Variants in TIAM2 observed in about 807,000 individuals in gnomAD.
TIAM2 encodes TIAM Rac1 associated GEF 2, also known as rho guanine nucleotide exchange factor TIAM2.
Under a neutral mutation model 152.9 loss-of-function variants are expected in TIAM2, and 80 were observed. The ratio of observed to expected loss-of-function variants is 0.52; its 90% CI spans 0.44 to 0.63. The LOEUF is 0.63. TIAM2 is among the 30% of genes least tolerant of loss of function. The pLI is 0.00. For missense variants in TIAM2, 1,965 were observed against 2,120.1 expected (o/e 0.93, Z 1.44); for synonymous variants, 804 against 838.0 (o/e 0.96, Z 0.70).
intron 1 of TIAM2, among the ~76,000 whole-genome samples, chr6:155,039,833 T>A (rs1480867550): frequency 6.6e-6 from 1 of 152,196 alleles, no homozygotes; most frequent in African/African-American, 2.4e-5. Flanking sequence ...GCCTCTAAGC[T>A]TTATGCTCAG....
intron 4 of TIAM2, among the ~76,000 whole-genome samples, chr6:155,131,660 A>G (rs920690753): frequency 2.0e-5 from 3 of 151,264 alleles, no homozygotes; most frequent in African/African-American, 7.3e-5. Context: ...GCTCACTGCA[A>G]CCTCTGCCTC....
intron 2 of TIAM2, among the ~76,000 whole-genome samples, chr6:155,118,743 C>G (rs910886755): frequency 6.6e-6 from 1 of 151,766 alleles, no homozygotes; most frequent in Non-Finnish European, 1.5e-5. Context: ...CCTTCTCTTT[C>G]CTTTCTTCAT....
chr6:155,054,572 G>GTT (rs777142816), intron 1 of TIAM2, among the ~76,000 whole-genome samples: 74 of 48,728 alleles, frequency 1.5e-3, no homozygotes, highest in South Asian at 0.012. Context: ...ACAGAGTTTT[G>GTT]TTTTGTTTTG....
chr6:155,047,865 G>T (rs1273248608), intron 1 of TIAM2, among the ~76,000 whole-genome samples: 1 of 152,146 alleles, frequency 6.6e-6, no homozygotes, highest in Non-Finnish European at 1.5e-5. Context: ...ATGCAAAAGG[G>T]TATAGACTCT....
At chr6:155,190,138 C>T (rs778504237) in intron 14 of TIAM2, among the ~76,000 whole-genome samples, 14 of 152,176 alleles carry the variant, frequency 9.2e-5, no homozygotes, top group Non-Finnish European at 1.9e-4. Flanking sequence ...TTACTACTTC[C>T]CCCTGCCTTC....
intron 14 of TIAM2, among the ~76,000 whole-genome samples, chr6:155,193,192 G>A (rs1319363110): frequency 6.6e-6 from 1 of 152,026 alleles, no homozygotes; most frequent in East Asian, 1.9e-4. Flanking sequence ...ATGGCTTGAG[G>A]CCAGGAGATT....
intron 1 of TIAM2, among the ~76,000 whole-genome samples, chr6:155,075,917 A>T (rs1777946718): frequency 6.6e-6 from 1 of 152,222 alleles, no homozygotes; most frequent in African/African-American, 2.4e-5. Flanking sequence ...TTCATATGAC[A>T]TACTATCAAT....
At chr6:155,013,451 A>G (rs1778522608) in intron 1 of TIAM2, among the ~76,000 whole-genome samples, 2 of 152,002 alleles carry the variant, frequency 1.3e-5, no homozygotes, top group Admixed American at 1.3e-4. Flanking sequence ...TTTACTACAT[A>G]CCTTTTCTGC....
At chr6:155,109,946 C>CTT (rs72211101) in intron 2 of TIAM2, among the ~76,000 whole-genome samples, 4 of 138,864 alleles carry the variant, frequency 2.9e-5, no homozygotes, top group African/African-American at 8.3e-5. Flanking sequence ...AATGCACAGA[C>CTT]TTTTTTTTTT....
Position 155,104,204 on chromosome 6 carries a change from C to T in TIAM2, c.-118+13825C>T, listed in dbSNP as rs1583191635. The stretch of plus-strand genomic sequence containing the variant: ...TCCTTGTGCTGCCGCCTGTTGCTGG[C>T]CAGCTCTGTGACCTTTTGCAAGTCA... On this transcript the variant is annotated intron_variant, in intron 2 of 26. Transcript: ENST00000682666. 1.3e-5 allele frequency among the ~76,000 whole-genome samples: 2 copies of T among 152,128 alleles called. 1 individual carries two copies. Among genetic ancestry groups the T allele is most frequent in the South Asian group, 4.1e-4 (2 of 4,822 alleles).
chr6:155,138,479 T>C (rs543122767), intron 5 of TIAM2, among the ~76,000 whole-genome samples: 1 of 151,774 alleles, frequency 6.6e-6, no homozygotes, highest in African/African-American at 2.4e-5. Context: ...ATGTGCACAA[T>C]GTGCATGCAG....
At chr6:155,151,741 A>G (rs1441417829) in intron 7 of TIAM2, among the ~76,000 whole-genome samples, 1 of 152,078 alleles carries the variant, frequency 6.6e-6, no homozygotes, top group East Asian at 1.9e-4. Flanking sequence ...GTATAGATAC[A>G]AGGGCCTGGT....
rs539620922 is a variant in TIAM2, at chr6:155,085,905, T to G, written c.-208-4384T>G. ...AAAGCATAGCATTGCTTGAGTTTTATTATAGATATAGTTTACCTAGCACCA... is the reference window on the plus strand; with the variant it reads ...AAAGCATAGCATTGCTTGAGTTTTAGTATAGATATAGTTTACCTAGCACCA... On this transcript the variant is annotated intron_variant, in intron 1 of 26. Transcript: ENST00000682666. Among the ~76,000 whole-genome samples, 7 of 152,352 alleles carry G rather than the reference T, an allele frequency of 4.6e-5. No homozygotes were observed. In the East Asian group the frequency reaches 1.4e-3, roughly 29 times the overall value.
chr6:155,188,202 G>A (rs1216820214), intron 14 of TIAM2, among the ~76,000 whole-genome samples: 7 of 152,236 alleles, frequency 4.6e-5, no homozygotes, highest in Admixed American at 1.3e-4. Flanking sequence ...AATGCAGGCA[G>A]TCGACTCTTA....
chr6:155,053,518 C>G (rs1203405750), intron 1 of TIAM2, among the ~76,000 whole-genome samples: 1 of 145,142 alleles, frequency 6.9e-6, no homozygotes, highest in Non-Finnish European at 1.5e-5. Context: ...GTCGTCCAGG[C>G]TGGAGTGCAG....
At chr6:155,070,209 C>CTTTTTTTTTTTTTTTTTTTTTT (rs559307371) in intron 1 of TIAM2, among the ~76,000 whole-genome samples, 3 of 44,146 alleles carry the variant, frequency 6.8e-5, no homozygotes, top group Non-Finnish European at 1.1e-4. Context: ...CCTGGCCAGA[C>CTTTTTTTTTTTTTTTTTTTTTT]TTTTTTTTTT....
chr6:155,051,613 TG>T (rs1454580742), intron 1 of TIAM2, among the ~76,000 whole-genome samples: 2 of 152,046 alleles, frequency 1.3e-5, no homozygotes, highest in Admixed American at 6.6e-5. Flanking sequence ...AAGATATTTT[TG>T]GCATAAAATG....
In TIAM2 at chr6:155,176,969, G is replaced by A. The variant is rs1194165234; in HGVS notation, c.2515G>A (p.Ala839Thr). The A allele has an allele frequency of 8.1e-6, 13 of 1,605,996 alleles. No homozygotes were observed. Among genetic ancestry groups the A allele is most frequent in the African/African-American group, 1.3e-5 (1 of 74,408 alleles). Residue 839 changes from alanine to threonine, a missense_variant, in exon 10 of 27, where the codon GCA becomes ACA. Physicochemically the swap from Ala to Thr is moderately conservative, Grantham distance 58. This residue lies in a region of TIAM2 where 1,025 missense variants were observed against 1,119.4 expected (regional missense o/e 0.92). Transcript: ENST00000682666. ...CAGAGTAGAAGATATTTTGACTTTG[G>A]CATGCAAGGTAACGGATTTTGCTGC... ...EHRVEDILTL[A>T]CKMRQLEPSH... is the part of the protein sequence containing the mutation.
chr6:155,257,615 TGTC>T lies in TIAM2; in HGVS notation c.*495_*497del. 3.7e-6 allele frequency: 2 copies of T among 545,166 alleles called. No individual in the cohort carries two copies. The highest frequency in any genetic ancestry group is 6.4e-6 in the Non-Finnish European group (2 of 312,464). The allele number at this position is 545,166 out of a possible 1,614,324, so 33.8% of individuals were successfully genotyped here. ...TAATAGATGCTGTTTATACTAAACATGTCATAACTATCTATACAGTATATATTA... is the reference window on the plus strand; with the variant it reads ...TAATAGATGCTGTTTATACTAAACATATAACTATCTATACAGTATATATTA... On this transcript the variant is annotated 3_prime_UTR_variant, in exon 27 of 27. Coordinates refer to ENST00000682666, the MANE Select transcript of TIAM2 (RefSeq NM_012454.4).
Sources: allele counts gnomAD v4.1 joint callset (sites outside exome capture counted in the v4.1 genomes callset), GRCh38; gene constraint gnomAD v4.1.1; regional missense constraint gnomAD v4.1.1; transcripts MANE v1.5; gene names NCBI Gene and HGNC (gene_info 2026-07-23, HGNC 2026-07-21).